Variants in PARN observed in about 807,000 individuals in gnomAD.
PARN encodes the protein poly(A)-specific ribonuclease.
A neutral mutation model predicts 102.8 loss-of-function variants in PARN; 71 were observed. The ratio of observed to expected loss-of-function variants is 0.69; its 90% CI spans 0.57 to 0.84. The LOEUF is 0.84. Among genes scored for constraint, PARN ranks in the 40% least tolerant of loss-of-function variants. PARN has a pLI of 0.00. For synonymous variants in PARN, 261 were observed against 252.9 expected, an observed-to-expected ratio of 1.03 and a Z score of -0.30; for missense variants, 782 against 760.9, an observed-to-expected ratio of 1.03 and a Z score of -0.33.
intron 5 of PARN, among the ~76,000 whole-genome samples, chr16:14,626,095 A>G (rs1050188599): frequency 1.3e-5 from 2 of 152,196 alleles, no homozygotes; most frequent in African/African-American, 4.8e-5. Context: ...CTTCTCCTCA[A>G]GAGAAACAGT....
chr16:14,457,028 C>T (rs774108443), intron 22 of PARN, among the ~76,000 whole-genome samples: 3 of 152,162 alleles, frequency 2.0e-5, no homozygotes, highest in Admixed American at 6.5e-5. Flanking sequence ...CAGGGCCTGG[C>T]ATAGAGTAAG....
chr16:14,454,398 G>T (rs1336868338), intron 22 of PARN, among the ~76,000 whole-genome samples: 1 of 152,136 alleles, frequency 6.6e-6, no homozygotes, highest in Admixed American at 6.6e-5. Flanking sequence ...TTGAAGAAAA[G>T]AATATTTAAT....
At chr16:14,472,179 C>A (rs1596470481) in intron 22 of PARN, among the ~76,000 whole-genome samples, 1 of 152,308 alleles carries the variant, frequency 6.6e-6, no homozygotes, top group East Asian at 1.9e-4. Context: ...TTATTAAAAA[C>A]CAAGTTTTAT....
intron 21 of PARN, among the ~76,000 whole-genome samples, chr16:14,534,345 G>C (rs755850983): frequency 1.3e-5 from 2 of 151,970 alleles, no homozygotes; most frequent in African/African-American, 4.8e-5. Context: ...AAAGAACACA[G>C]GGCATATAAA....
chr16:14,626,736 C>T (rs1273938207), intron 5 of PARN, among the ~76,000 whole-genome samples: 1 of 151,850 alleles, frequency 6.6e-6, no homozygotes, highest in Non-Finnish European at 1.5e-5. Flanking sequence ...CTCAGCCTCC[C>T]TAAGTAGCTG....
At chr16:14,555,819 A>C in intron 18 of PARN, 110 bp from the exon 19 acceptor site, 2 of 527,452 alleles carry the variant, frequency 3.8e-6, no homozygotes, top group Non-Finnish European at 6.8e-6. Flanking sequence ...CATTTATTAT[A>C]TCTTTTGTAG....
intron 21 of PARN, among the ~76,000 whole-genome samples, chr16:14,500,468 G>A (rs1181626633): frequency 6.6e-6 from 1 of 151,990 alleles, no homozygotes; most frequent in Non-Finnish European, 1.5e-5. Context: ...ATTCACAGGT[G>A]TGACCATAGC....
chr16:14,545,557 C>T (rs1966886261), intron 21 of PARN, among the ~76,000 whole-genome samples: 1 of 152,166 alleles, frequency 6.6e-6, no homozygotes, highest in Non-Finnish European at 1.5e-5. Context: ...TTAAATGCTT[C>T]TGTTAGAAAA....
At chr16:14,475,742 G>A (rs1596474899) in intron 22 of PARN, among the ~76,000 whole-genome samples, 1 of 152,154 alleles carries the variant, frequency 6.6e-6, no homozygotes, top group Non-Finnish European at 1.5e-5. Context: ...TCTTCCTCTC[G>A]ACCATAGTGC....
chr16:14,438,106 G>A (rs759122470), intron 23 of PARN, among the ~76,000 whole-genome samples: 1 of 152,186 alleles, frequency 6.6e-6, no homozygotes, highest in Non-Finnish European at 1.5e-5. Context: ...ATGGGCAGGA[G>A]ATGATCCACT....
chr16:14,557,790 C>T (rs1254692150), intron 18 of PARN, among the ~76,000 whole-genome samples: 1 of 152,148 alleles, frequency 6.6e-6, no homozygotes, highest in African/African-American at 2.4e-5. Flanking sequence ...GTTTTGTAAG[C>T]TGTTTTAACC....
chr16:14,502,422 TACACACATGTGTGA>T (rs540194319), intron 21 of PARN, among the ~76,000 whole-genome samples: 67 of 152,142 alleles, frequency 4.4e-4, no homozygotes, highest in Non-Finnish European at 8.5e-4. Context: ...AACACACATG[TACACACATGTGTGA>T]ACACACATGG....
At chr16:14,564,239 G>T (rs1442768489) in intron 18 of PARN, among the ~76,000 whole-genome samples, 2 of 152,212 alleles carry the variant, frequency 1.3e-5, no homozygotes, top group Non-Finnish European at 2.9e-5. Context: ...TATAAGAGAA[G>T]CAAGTGTAAG....
chr16:14,482,561 T>TA (rs1431032229), intron 22 of PARN, 77 bp downstream of exon 22: 1 of 1,180,450 alleles, frequency 8.5e-7, no homozygotes, highest in East Asian at 2.4e-5. Context: ...ATTTAGTACT[T>TA]ACAAACCTAT....
chr16:14,612,266 G>A lies in PARN; in HGVS notation c.389-1457C>T, dbSNP rs183331307. Among the ~76,000 whole-genome samples, 264 of 151,948 alleles carry A rather than the reference G, an allele frequency of 1.7e-3. 1 individual carries two copies. Among genetic ancestry groups the A allele is most frequent in the African/African-American group, 6.2e-3 (257 of 41,474 alleles). On this transcript the variant is annotated intron_variant, in intron 6 of 23. Coordinates refer to ENST00000437198, the MANE Select transcript of PARN (RefSeq NM_002582.4). ...AGCCTGGCCAACATGGTGAAACCCC[G>A]TCTCTACTAAAAATACAAAAATTAG... is the stretch of plus-strand genomic sequence containing the variant.
intron 18 of PARN, among the ~76,000 whole-genome samples, chr16:14,564,552 G>T (rs1223799406): frequency 6.6e-6 from 1 of 152,194 alleles, no homozygotes; most frequent in Non-Finnish European, 1.5e-5. Context: ...TCAGGAAAAC[G>T]AGTGAATCAG....
intron 21 of PARN, among the ~76,000 whole-genome samples, chr16:14,530,403 A>G (rs1308403498): frequency 6.6e-6 from 1 of 152,168 alleles, no homozygotes; most frequent in Non-Finnish European, 1.5e-5. Flanking sequence ...TCTTTAAATG[A>G]GGACTTTAAT....
chr16:14,438,441 T>G (rs867191428), intron 23 of PARN, among the ~76,000 whole-genome samples: 8 of 107,066 alleles, frequency 7.5e-5, no homozygotes, highest in Non-Finnish European at 1.1e-4. Context: ...TGCCATTAGT[T>G]GGGGGGGGGG....
At chr16:14,467,429 T>C (rs1353207989) in intron 22 of PARN, among the ~76,000 whole-genome samples, 3 of 152,242 alleles carry the variant, frequency 2.0e-5, no homozygotes, top group African/African-American at 4.8e-5. Context: ...TTTGCAATTA[T>C]AGCAAACTAG....
Sources: gnomAD v4.1 joint callset for allele counts (sites outside exome capture counted in the v4.1 genomes callset) on GRCh38, gnomAD v4.1.1 for gene constraint, MANE v1.5 for transcripts, NCBI Gene and HGNC (gene_info 2026-07-23, HGNC 2026-07-21) for gene names.